The following SLC9B1 variants were observed in gnomAD, a reference collection of about 807,000 sequenced individuals.
SLC9B1 encodes the protein sodium/hydrogen exchanger 9B1.
SLC9B1 carries 32 observed loss-of-function variants against 51.7 expected under a neutral mutation model. That is an observed-to-expected ratio of 0.62 (90% CI 0.47 to 0.83). The LOEUF (loss-of-function observed/expected upper bound fraction) is 0.83. Among genes scored for constraint, SLC9B1 ranks in the 40% least tolerant of loss-of-function variants. The probability of loss-of-function intolerance (pLI) is 0.00; values close to 1 mark genes in which losing one functional copy is unlikely to be tolerated. For missense variants in SLC9B1, 406 were observed against 613.2 expected (o/e 0.66, Z 3.57); for synonymous variants, 145 against 212.7 (o/e 0.68, Z 2.77).
intron 3 of SLC9B1, among the ~76,000 whole-genome samples, chr4:102,968,113 G>A (rs933281747): frequency 4.6e-5 from 7 of 152,180 alleles, no homozygotes; most frequent in South Asian, 2.1e-4. Flanking sequence ...TCAGTGTAAA[G>A]CAGCAGTAGT....
chr4:103,009,000 G>A (rs1483571471), intron 1 of SLC9B1, among the ~76,000 whole-genome samples: 6 of 152,040 alleles, frequency 3.9e-5, no homozygotes, highest in East Asian at 1.9e-4. Flanking sequence ...GGGTTTCACC[G>A]TGTTAGCCAG....
intron 11 of SLC9B1, among the ~76,000 whole-genome samples, chr4:102,895,179 A>C (rs1734476142): frequency 6.6e-6 from 1 of 152,194 alleles, no homozygotes; most frequent in South Asian, 2.1e-4. Context: ...TATTAAGAAT[A>C]AGCAAGAGTG....
intron 10 of SLC9B1, chr4:102,906,328 G>T (rs988842397): frequency 3.2e-6 from 1 of 309,274 alleles, no homozygotes; most frequent in East Asian, 6.5e-5. Flanking sequence ...ATAACTCAGG[G>T]AATATATTCA....
chr4:102,951,421 G>C (rs6533040), intron 3 of SLC9B1, among the ~76,000 whole-genome samples: 2 of 151,972 alleles, frequency 1.3e-5, no homozygotes, highest in Non-Finnish European at 2.9e-5. Flanking sequence ...TTAGATGTCT[G>C]AAAACCTTAG....
intron 7 of SLC9B1, among the ~76,000 whole-genome samples, chr4:102,913,365 ACT>A (rs1015572924): frequency 2.0e-5 from 3 of 152,152 alleles, no homozygotes; most frequent in African/African-American, 7.2e-5. Context: ...AGAAAAAGAA[ACT>A]GGCAAACCTC....
At chr4:102,890,922 G>A (rs1204747014) in intron 11 of SLC9B1, 2 of 148,538 alleles carry the variant, frequency 1.3e-5, no homozygotes, top group African/African-American at 5.1e-5. Context: ...TAGGACAGGA[G>A]GAAACCAATA....
At chr4:102,958,848 G>A (rs1737937702) in intron 3 of SLC9B1, among the ~76,000 whole-genome samples, 1 of 151,914 alleles carries the variant, frequency 6.6e-6, no homozygotes, top group Non-Finnish European at 1.5e-5. Context: ...GCGTGAACTC[G>A]GGAGGTGGAG....
rs370154828 is a variant in SLC9B1 at position 102,893,864 on chromosome 4, C to T, written c.1333-8536G>A. 9.7e-4 allele frequency among the ~76,000 whole-genome samples: 147 copies of T among 152,242 alleles called. 1 individual carries two copies. Among genetic ancestry groups the T allele is most frequent in the Non-Finnish European group, 1.6e-3 (112 of 68,014 alleles). ...GAGCCGAGATCACGCCACTGCACTC[C>T]AGCCTGGGTGACAGAGCAAGTCTCC... On this transcript the variant is annotated intron_variant, in intron 11 of 11. Coordinates refer to the SLC9B1 transcript ENST00000394789.
chr4:103,001,758 C>G (rs899926151), intron 1 of SLC9B1, among the ~76,000 whole-genome samples: 16 of 152,216 alleles, frequency 1.1e-4, no homozygotes, highest in African/African-American at 3.9e-4. Flanking sequence ...GTTCCAAAGT[C>G]ACTTCCACAT....
intron 4 of SLC9B1, among the ~76,000 whole-genome samples, chr4:102,948,366 A>ACACACACACACG (rs1385767208): frequency 1.3e-5 from 2 of 150,372 alleles, no homozygotes; most frequent in African/African-American, 4.9e-5. Flanking sequence ...ACACACACAC[A>ACACACACACACG]CTACTGGTCA....
At chr4:102,960,741 T>C (rs1339675136) in intron 3 of SLC9B1, among the ~76,000 whole-genome samples, 2 of 151,846 alleles carry the variant, frequency 1.3e-5, no homozygotes, top group Non-Finnish European at 2.9e-5. Context: ...TCTTTCTTTT[T>C]TTTTTTTTGA....
At chr4:102,972,607 G>T (rs976177135) in intron 3 of SLC9B1, among the ~76,000 whole-genome samples, 4 of 152,206 alleles carry the variant, frequency 2.6e-5, no homozygotes, top group Non-Finnish European at 4.4e-5. Context: ...TGTTACTTGG[G>T]ACTTGGGTAG....
At chr4:102,902,984 T>C (rs1225629652) in intron 11 of SLC9B1, among the ~76,000 whole-genome samples, 1 of 152,220 alleles carries the variant, frequency 6.6e-6, no homozygotes, top group Admixed American at 6.6e-5. Flanking sequence ...GTTGATCTTA[T>C]TTACTTGTGA....
intron 3 of SLC9B1, among the ~76,000 whole-genome samples, chr4:102,961,776 GT>G (rs1445346775): frequency 1.3e-5 from 2 of 152,146 alleles, no homozygotes; most frequent in Non-Finnish European, 2.9e-5. Context: ...GAACGTGCAG[GT>G]TTGTTACATA....
At chr4:103,013,409 CTT>C (rs1407478248) in intron 1 of SLC9B1, among the ~76,000 whole-genome samples, 1 of 152,058 alleles carries the variant, frequency 6.6e-6, no homozygotes, top group Non-Finnish European at 1.5e-5. Flanking sequence ...CTTTCTTTGT[CTT>C]TGTTAGTGGT....
At chr4:102,994,940 G>A (rs1740138169) in intron 1 of SLC9B1, among the ~76,000 whole-genome samples, 1 of 152,156 alleles carries the variant, frequency 6.6e-6, no homozygotes, top group Admixed American at 6.5e-5. Context: ...GGTGAAATTT[G>A]GGTGGGGACA....
chr4:102,963,061 G>A (rs1441019246), intron 3 of SLC9B1: 9 of 438,354 alleles, frequency 2.1e-5, no homozygotes, highest in East Asian at 1.4e-4. Flanking sequence ...GACCATATTC[G>A]GGGATTTGAA....
intron 9 of SLC9B1, among the ~76,000 whole-genome samples, chr4:102,910,234 G>A (rs1735274269): frequency 2.0e-5 from 3 of 152,116 alleles, no homozygotes; most frequent in Non-Finnish European, 4.4e-5. Context: ...GAAGCCTGAT[G>A]TGATTAACTC....
intron 1 of SLC9B1, among the ~76,000 whole-genome samples, chr4:103,002,652 G>C (rs888108684): frequency 4.6e-5 from 7 of 152,188 alleles, no homozygotes; most frequent in Non-Finnish European, 1.0e-4. Context: ...AAATGGTTTA[G>C]AAATAGCCCA....
Sources: allele counts gnomAD v4.1 joint callset (sites outside exome capture counted in the v4.1 genomes callset), GRCh38; gene constraint gnomAD v4.1.1; transcripts MANE v1.5; gene names NCBI Gene and HGNC (gene_info 2026-07-23, HGNC 2026-07-21).